ATG13: variants seen among roughly 807,000 people sequenced by gnomAD.
ATG13 encodes the protein autophagy related 13.
Under a neutral mutation model 65.5 loss-of-function variants are expected in ATG13, and 23 were observed. That is an observed-to-expected ratio of 0.35 (90% CI 0.25 to 0.50). The LOEUF (loss-of-function observed/expected upper bound fraction) is 0.50. Ranked by LOEUF, ATG13 falls within the 20% of genes least tolerant of loss-of-function variation. ATG13 has a pLI of 0.98. For missense variants in ATG13, 566 were observed against 677.0 expected (o/e 0.84, Z 1.82); for synonymous variants, 252 against 245.2 (o/e 1.03, Z -0.26).
At chr11:46,630,568 CTT>C (rs35243801) in intron 2 of ATG13, among the ~76,000 whole-genome samples, 24 of 120,682 alleles carry the variant, frequency 2.0e-4, no homozygotes, top group Admixed American at 3.5e-4. Context: ...AAATTAGAGG[CTT>C]TTTTTTTTTT....
chr11:46,644,460 C>A, intron 3 of ATG13, 100 bp downstream of exon 3: 1 of 1,040,656 alleles, frequency 9.6e-7, no homozygotes, highest in Non-Finnish European at 1.4e-6. Context: ...TAACAGCTTG[C>A]AGCTTGCCCA....
intron 18 of ATG13, among the ~76,000 whole-genome samples, chr11:46,669,813 C>T (rs574071885): frequency 6.6e-6 from 1 of 152,074 alleles, no homozygotes. Context: ...GCCACTAGGC[C>T]AAGTTGCTCT....
intron 7 of ATG13, among the ~76,000 whole-genome samples, chr11:46,652,599 C>G (rs2059145659): frequency 6.6e-6 from 1 of 151,822 alleles, no homozygotes; most frequent in Non-Finnish European, 1.5e-5. Flanking sequence ...ATCTGTAGTC[C>G]CAGCTACTCA....
chr11:46,668,248 G>T (rs2062829964), intron 15 of ATG13, among the ~76,000 whole-genome samples: 1 of 152,198 alleles, frequency 6.6e-6, no homozygotes, highest in African/African-American at 2.4e-5. Flanking sequence ...CATTACTGTG[G>T]ATCAGGCTTC....
chr11:46,664,980 G>A, intron 13 of ATG13, 21 bp downstream of exon 13: 2 of 1,604,006 alleles, frequency 1.2e-6, no homozygotes, highest in Non-Finnish European at 1.7e-6. Flanking sequence ...AGATGGGGAG[G>A]ACTATGGGTT....
chr11:46,663,903 G>T (rs2061693156), intron 11 of ATG13, 94 bp from the exon 12 acceptor site: 1 of 897,196 alleles, frequency 1.1e-6, no homozygotes, highest in South Asian at 1.7e-5. Flanking sequence ...TCTTGCTACT[G>T]CCCCTTCCAG....
At chr11:46,641,647 A>C (rs999335610) in intron 2 of ATG13, among the ~76,000 whole-genome samples, 1 of 152,078 alleles carries the variant, frequency 6.6e-6, no homozygotes, top group South Asian at 2.1e-4. Context: ...AGAATATTGG[A>C]TATGTTCTAT....
intron 1 of ATG13, among the ~76,000 whole-genome samples, chr11:46,629,685 C>T (rs934446483): frequency 6.6e-6 from 1 of 152,154 alleles, no homozygotes; most frequent in South Asian, 2.1e-4. Flanking sequence ...GCATGAGCCA[C>T]CATGCCTGGC....
At chr11:46,629,386 G>GGTTTTT (rs961134002) in intron 1 of ATG13, among the ~76,000 whole-genome samples, 4 of 151,986 alleles carry the variant, frequency 2.6e-5, no homozygotes, top group South Asian at 2.1e-4. Context: ...TTCACAAGGA[G>GGTTTTT]GTTTTTGTTT....
chr11:46,664,105 T>C lies in ATG13; in HGVS notation c.888+10T>C, dbSNP rs1442388767. 6.4e-7 allele frequency: 1 copy of C among 1,561,046 alleles called. No homozygotes were observed. Among genetic ancestry groups the C allele is most frequent in the African/African-American group, 1.4e-5 (1 of 73,402 alleles). On this transcript the variant is annotated intron_variant, in intron 12 of 18. Transcript: ENST00000683050. The stretch of plus-strand genomic sequence containing the variant: ...GGCCTTTTCCCATCAAGTGAGTCCA[T>C]AATGGGAAGAAGGGGATATAATCAG...
chr11:46,652,894 G>A (rs2059202776), intron 7 of ATG13, among the ~76,000 whole-genome samples: 1 of 152,006 alleles, frequency 6.6e-6, no homozygotes, highest in Non-Finnish European at 1.5e-5. Context: ...TATGGCAGGA[G>A]TCACTAAACT....
chr11:46,659,180 T>C (rs1317049854), intron 10 of ATG13, among the ~76,000 whole-genome samples: 1 of 152,088 alleles, frequency 6.6e-6, no homozygotes, highest in African/African-American at 2.4e-5. Flanking sequence ...GTCTTAAAAA[T>C]GAGAAACAAG....
At position 46,672,500 on chromosome 11, in the gene ATG13, T is replaced by A; in HGVS notation, c.*168T>A. The A allele has an allele frequency of 1.3e-6, 2 of 1,485,848 alleles. No individual in the cohort carries two copies. The highest frequency in any genetic ancestry group is 1.8e-6 in the Non-Finnish European group (2 of 1,119,536). 92.0% of individuals were successfully genotyped at this position (1,485,848 alleles called of 1,614,324 possible). On this transcript the variant is annotated 3_prime_UTR_variant, in exon 19 of 19. Transcript: ENST00000683050. Reference sequence around the variant, plus strand: ...CCCTACTCTTGGACCTCCTGGAGACTCCGTGGCGGCAGTCAAGCCCAGTGC... The same window carrying A: ...CCCTACTCTTGGACCTCCTGGAGACACCGTGGCGGCAGTCAAGCCCAGTGC...
chr11:46,672,556 G>A lies in ATG13; in HGVS notation c.*224G>A. 2 of 1,443,438 alleles carry A rather than the reference G, an allele frequency of 1.4e-6. No homozygotes were observed. The highest frequency in any genetic ancestry group is 1.8e-6 in the Non-Finnish European group (2 of 1,095,286). The allele number at this position is 1,443,438 out of a possible 1,614,324, so 89.4% of individuals were successfully genotyped here. A position where few individuals can be genotyped will look rare whatever the true frequency, so the allele number is the denominator to read the frequency against. Reference sequence around the variant, plus strand: ...TGGAGAAGACTCACGTGCTGGCCTTGGAGATGGGAAGAACCTTCGTACGAA... The same window carrying A: ...TGGAGAAGACTCACGTGCTGGCCTTAGAGATGGGAAGAACCTTCGTACGAA... On this transcript the variant is annotated 3_prime_UTR_variant, in exon 19 of 19. Transcript: ENST00000683050.
chr11:46,672,488 C>A lies in ATG13; in HGVS notation c.*156C>A. The A allele has an allele frequency of 6.6e-7, 1 of 1,507,994 alleles. No individual in the cohort carries two copies. Among genetic ancestry groups the A allele is most frequent in the East Asian group, 2.3e-5 (1 of 43,030 alleles). The allele number at this position is 1,507,994 out of a possible 1,614,324, so 93.4% of individuals were successfully genotyped here. A position where few individuals can be genotyped will look rare whatever the true frequency, so the allele number is the denominator to read the frequency against. On this transcript the variant is annotated 3_prime_UTR_variant, in exon 19 of 19. Transcript: ENST00000683050. Reference sequence around the variant, plus strand: ...GGACCCAGAAGTCCCTACTCTTGGACCTCCTGGAGACTCCGTGGCGGCAGT... The same window carrying A: ...GGACCCAGAAGTCCCTACTCTTGGAACTCCTGGAGACTCCGTGGCGGCAGT...
intron 7 of ATG13, among the ~76,000 whole-genome samples, chr11:46,652,688 G>A (rs911457926): frequency 6.6e-6 from 1 of 152,152 alleles, no homozygotes; most frequent in African/African-American, 2.4e-5. Flanking sequence ...ACTCCAGCCT[G>A]GGTGACAGAG....
intron 6 of ATG13, among the ~76,000 whole-genome samples, chr11:46,649,615 C>T (rs1313237206): frequency 2.0e-5 from 3 of 152,130 alleles, no homozygotes; most frequent in Non-Finnish European, 4.4e-5. Context: ...ATTTCCTTTC[C>T]CCATTTTCTT....
rs550500661 is a variant in ATG13 at position 46,618,964 on chromosome 11, T to G, written c.-70+1074T>G. Among the ~76,000 whole-genome samples the G allele has an allele frequency of 4.6e-5, 7 of 152,252 alleles. No individual in the cohort carries two copies. In the South Asian group the frequency reaches 1.5e-3, roughly 32 times the overall value. ...TTCTAAAGTGTTGGAGTTACATGCA[T>G]AAGCCACAGAGTCCGGCCCAGGAGC... On this transcript the variant is annotated intron_variant, in intron 1 of 18. Coordinates refer to ENST00000683050, the MANE Select transcript of ATG13 (RefSeq NM_001346311.2).
At chr11:46,635,030 G>A (rs1247654440) in intron 2 of ATG13, among the ~76,000 whole-genome samples, 1 of 148,970 alleles carries the variant, frequency 6.7e-6, no homozygotes, top group Non-Finnish European at 1.5e-5. Context: ...TTTTAAGTAG[G>A]GGTTTTTCTC....
Sources: gnomAD v4.1 joint callset for allele counts (sites outside exome capture counted in the v4.1 genomes callset) on GRCh38, gnomAD v4.1.1 for gene constraint, MANE v1.5 for transcripts, NCBI Gene and HGNC (gene_info 2026-07-23, HGNC 2026-07-21) for gene names.